SETD5: variants seen among roughly 807,000 people sequenced by gnomAD.
The protein encoded by SETD5 is histone-lysine N-methyltransferase SETD5.
Under a neutral mutation model 153.3 loss-of-function variants are expected in SETD5, and 44 were observed. The observed-to-expected ratio is 0.29, with a 90% CI of 0.23 to 0.37. The LOEUF (loss-of-function observed/expected upper bound fraction) is 0.37, where lower values mean the gene tolerates loss of function less well. Among genes scored for constraint, SETD5 ranks in the 10% least tolerant of loss-of-function variants. The probability of loss-of-function intolerance (pLI) is 1.00; values close to 1 mark genes in which losing one functional copy is unlikely to be tolerated. For synonymous variants in SETD5, 716 were observed against 645.2 expected (o/e 1.11, Z -1.66); for missense variants, 1,544 against 1,768.0 (o/e 0.87, Z 2.27).
chr3:9,414,512 A>C (rs2037121951), intron 1 of SETD5, among the ~76,000 whole-genome samples: 1 of 152,072 alleles, frequency 6.6e-6, no homozygotes, highest in Non-Finnish European at 1.5e-5. Flanking sequence ...TAGAGCAGGG[A>C]TCTTGGTTTC....
chr3:9,474,817 C>G (rs1010789687), intron 21 of SETD5: 2 of 630,660 alleles, frequency 3.2e-6, no homozygotes, highest in African/African-American at 3.7e-5. Context: ...TAACTCTCAT[C>G]TCTCCAAAGT....
Position 9,445,277 on chromosome 3 carries a change from G to A in SETD5, c.1417G>A (p.Val473Ile). 6.2e-7 allele frequency: 1 copy of A among 1,606,670 alleles called. No individual in the cohort carries two copies. Among genetic ancestry groups the A allele is most frequent in the Non-Finnish European group, 8.5e-7 (1 of 1,176,156 alleles). Residue 473 changes from valine (V) to isoleucine (I), a missense_variant, in exon 12 of 23, where the codon GTA becomes ATA. Around this residue, in one of 9 missense-constraint regions of SETD5, gnomAD observed 782 missense variants for 787.2 expected, o/e 0.99. Transcript: ENST00000402198. ...DQQSQEVPEK[V>I]TVSSDHEEVD... ...GCAATCACAAGAAGTTCCAGAAAAA[G>A]TAACTGTATCCAGTGATCATGAGGT...
chr3:9,448,526 A>G lies in SETD5; in HGVS notation c.2242A>G (p.Ile748Val). 1 of 1,613,892 alleles carries G rather than the reference A, an allele frequency of 6.2e-7. No homozygotes were observed. Among genetic ancestry groups the G allele is most frequent in the Non-Finnish European group, 8.5e-7 (1 of 1,179,866 alleles). ...MLPGLIHSPLICTTPKHYIRF... is the reference protein window; with the variant it reads ...MLPGLIHSPLVCTTPKHYIRF... ...ACCAGGTCTTATCCATTCCCCGTTA[A>G]TTTGCACCACCCCCAAACACTACAT... Residue 748 changes from isoleucine to valine, a missense_variant, in exon 16 of 23, where the codon ATT becomes GTT. Physicochemically the swap from Ile to Val is conservative, Grantham distance 29. Coordinates refer to ENST00000402198, the MANE Select transcript of SETD5 (RefSeq NM_001080517.3).
At chr3:9,428,751 T>G in intron 2 of SETD5, 72 bp from the exon 3 acceptor site, 1 of 418,858 alleles carries the variant, frequency 2.4e-6, no homozygotes, top group East Asian at 3.7e-5. Context: ...TCAGTAACAT[T>G]TAAGATAAAC....
In SETD5 at chr3:9,430,564, C is replaced by A. The variant is rs553573657; in HGVS notation, c.71+1555C>A. On this transcript the variant is annotated intron_variant, in intron 3 of 22. Coordinates refer to ENST00000402198, the MANE Select transcript of SETD5 (RefSeq NM_001080517.3). ...AAACTCTCCCTGCATTAGTAGGTAG[C>A]CAGTTTGTATTGTGTTTATAGGTTT... is the stretch of plus-strand genomic sequence containing the variant. 1.7e-3 allele frequency: 336 copies of A among 198,710 alleles called. 4 individuals are homozygous for A. Among genetic ancestry groups the A allele is most frequent in the African/African-American group, 7.7e-3 (324 of 42,344 alleles). The allele number at this position is 198,710 out of a possible 1,614,324, so 12.3% of individuals were successfully genotyped here.
intron 7 of SETD5, among the ~76,000 whole-genome samples, chr3:9,438,017 AT>A (rs1365144226): frequency 1.3e-5 from 2 of 149,872 alleles, no homozygotes; most frequent in African/African-American, 5.0e-5. Context: ...AAAAAAAAAA[AT>A]TCAGTAAGGA....
rs762407652 is a variant in SETD5, at chr3:9,433,453, A to G, written c.72-392A>G. ...CACTTTGATCATCTCACTCACTGCAAATGTCATGTGAGGTTTCATGGAAGT... is the reference window on the plus strand; with the variant it reads ...CACTTTGATCATCTCACTCACTGCAGATGTCATGTGAGGTTTCATGGAAGT... On this transcript the variant is annotated intron_variant, in intron 3 of 22. Coordinates refer to ENST00000402198, the MANE Select transcript of SETD5 (RefSeq NM_001080517.3). 7 of 1,289,750 alleles carry G rather than the reference A, an allele frequency of 5.4e-6. No homozygotes were observed. The South Asian group carries it at 8.6e-5, about 16-fold the overall frequency. 79.9% of individuals were successfully genotyped at this position (1,289,750 alleles called of 1,614,324 possible). A position where few individuals can be genotyped will look rare whatever the true frequency, so the allele number is the denominator to read the frequency against.
intron 3 of SETD5, chr3:9,430,253 C>G: frequency 2.0e-6 from 2 of 984,672 alleles, no homozygotes; most frequent in Non-Finnish European, 2.4e-6. Flanking sequence ...TATAACTTAC[C>G]TGTTTACTGA....
intron 17 of SETD5, among the ~76,000 whole-genome samples, chr3:9,461,366 G>A (rs1021657682): frequency 1.3e-5 from 2 of 152,150 alleles, no homozygotes; most frequent in Non-Finnish European, 2.9e-5. Context: ...AGTGAAAATA[G>A]TTACTGAGTA....
chr3:9,469,594 C>T lies in SETD5; in HGVS notation c.2725-865C>T, dbSNP rs546196069. ...TCTAGCTTGTTAGGAAAGTAAAGCT[C>T]TCTCTCCTCAGTTGTTAAAGATTCT... On this transcript the variant is annotated intron_variant, in intron 18 of 22. Coordinates refer to ENST00000402198, the MANE Select transcript of SETD5 (RefSeq NM_001080517.3). Among the ~76,000 whole-genome samples the T allele has an allele frequency of 1.4e-4, 21 of 152,268 alleles. No individual in the cohort carries two copies. The South Asian group carries it at 2.7e-3, about 20-fold the overall frequency.
intron 1 of SETD5, among the ~76,000 whole-genome samples, 151 bp downstream of exon 1, chr3:9,398,128 C>G (rs909735036): frequency 2.0e-5 from 3 of 151,802 alleles, no homozygotes; most frequent in Admixed American, 2.0e-4. Context: ...TTCTCACCCC[C>G]CTCGCCGCCT....
chr3:9,455,827 A>G (rs1213669409), intron 17 of SETD5, among the ~76,000 whole-genome samples: 2 of 152,186 alleles, frequency 1.3e-5, no homozygotes, highest in East Asian at 1.9e-4. Context: ...TTGTTATCAC[A>G]TGCCCTGGTT....
chr3:9,414,170 T>C (rs764447818), intron 1 of SETD5, among the ~76,000 whole-genome samples: 2 of 152,226 alleles, frequency 1.3e-5, no homozygotes, highest in Non-Finnish European at 2.9e-5. Flanking sequence ...GTCTGAAATA[T>C]TCTAGAAAAA....
At chr3:9,468,243 T>C (rs2044855128) in intron 18 of SETD5, among the ~76,000 whole-genome samples, 2 of 152,074 alleles carry the variant, frequency 1.3e-5, no homozygotes, top group South Asian at 2.1e-4. Context: ...TCTAACTCTT[T>C]CCTTGTATGT....
chr3:9,418,462 C>G (rs1165747933), intron 1 of SETD5, among the ~76,000 whole-genome samples: 3 of 152,146 alleles, frequency 2.0e-5, no homozygotes, highest in African/African-American at 7.2e-5. Flanking sequence ...TATTTTGAAG[C>G]TCCTAGCCCA....
Position 9,464,650 on chromosome 3 carries a change from G to C in SETD5, c.2702G>C (p.Cys901Ser), listed in dbSNP as rs1343561966. 1.2e-6 allele frequency: 2 copies of C among 1,613,978 alleles called. No individual in the cohort carries two copies. Among genetic ancestry groups the C allele is most frequent in the East Asian group, 4.5e-5 (2 of 44,874 alleles). ...ACATCTCTTACTACTGCTAGTCGCT[G>C]CAACACTCCTCTACAGTTTGAGGTG... The part of the protein sequence containing the change: ...PVTSLTTASR[C>S]NTPLQFELCH... The change falls in exon 18 of 23, where the codon TGC becomes TCC. Residue 901 changes from cysteine to serine, a missense_variant. Physicochemically the swap from Cys to Ser is moderately radical, Grantham distance 112. This residue lies in a region of SETD5 where 782 missense variants were observed against 787.2 expected (regional missense o/e 0.99). Transcript: ENST00000402198.
At chr3:9,412,189 TTTG>T (rs759106776) in intron 1 of SETD5, among the ~76,000 whole-genome samples, 12 of 152,202 alleles carry the variant, frequency 7.9e-5, no homozygotes, top group East Asian at 1.9e-4. Context: ...GTTTGATTTT[TTTG>T]TTGTTGTTTT....
rs2125577018 is a variant in SETD5 at position 9,470,453 on chromosome 3, T to C, written c.2725-6T>C. On this transcript the variant is annotated splice_region_variant and splice_polypyrimidine_tract_variant and intron_variant, in intron 18 of 22. Transcript: ENST00000402198. The stretch of plus-strand genomic sequence containing the variant: ...CCCATGTCTCCGTTGATTTTTATTC[T>C]TTCAGCTTTGTCACCGAAAAGACCT... The C allele has an allele frequency of 6.2e-6, 10 of 1,605,416 alleles. No homozygotes were observed. Among genetic ancestry groups the C allele is most frequent in the East Asian group, 2.2e-5 (1 of 44,742 alleles).
intron 20 of SETD5, among the ~76,000 whole-genome samples, chr3:9,473,806 G>T (rs2045581784): frequency 6.6e-6 from 1 of 152,168 alleles, no homozygotes; most frequent in Admixed American, 6.5e-5. Context: ...CTTTCATTTG[G>T]TGGGCACTAA....
Sources: allele counts gnomAD v4.1 joint callset (sites outside exome capture counted in the v4.1 genomes callset), GRCh38; gene constraint gnomAD v4.1.1; regional missense constraint gnomAD v4.1.1; transcripts MANE v1.5; gene names NCBI Gene and HGNC (gene_info 2026-07-23, HGNC 2026-07-21).